MAPRE2: variants seen among roughly 807,000 people sequenced by gnomAD.
MAPRE2 encodes the protein microtubule associated protein RP/EB family member 2.
A neutral mutation model predicts 43.2 loss-of-function variants in MAPRE2; 13 were observed. The ratio of observed to expected loss-of-function variants is 0.30; its 90% CI spans 0.20 to 0.48. The LOEUF (loss-of-function observed/expected upper bound fraction) is 0.48. Among genes scored for constraint, MAPRE2 ranks in the 20% least tolerant of loss-of-function variants. MAPRE2 has a pLI of 0.99. For missense variants in MAPRE2, 161 were observed against 400.2 expected, an observed-to-expected ratio of 0.40 and a Z score of 5.10; for synonymous variants, 135 against 148.8, an observed-to-expected ratio of 0.91 and a Z score of 0.68.
intron 1 of MAPRE2, among the ~76,000 whole-genome samples, chr18:34,984,630 G>A (rs1010865292): frequency 1.3e-5 from 2 of 151,054 alleles, no homozygotes; most frequent in Admixed American, 6.7e-5. Flanking sequence ...AAGGAGGAAA[G>A]GGATGGCTGG....
chr18:35,092,939 C>T (rs1908223526), intron 2 of MAPRE2, among the ~76,000 whole-genome samples: 2 of 152,094 alleles, frequency 1.3e-5, no homozygotes, highest in South Asian at 4.1e-4. Flanking sequence ...AGGCCAGGCG[C>T]AGTGGCTCAT....
chr18:35,011,623 A>G (rs1210409527), intron 2 of MAPRE2, among the ~76,000 whole-genome samples: 2 of 152,180 alleles, frequency 1.3e-5, no homozygotes, highest in Admixed American at 1.3e-4. Flanking sequence ...AAGATCAGGA[A>G]GGGACATGAT....
intron 2 of MAPRE2, among the ~76,000 whole-genome samples, chr18:35,035,027 A>T (rs1183030339): frequency 6.6e-6 from 1 of 152,010 alleles, no homozygotes; most frequent in Non-Finnish European, 1.5e-5. Context: ...TACCCAAAGG[A>T]CTATAAATCA....
chr18:35,006,837 C>T (rs1284659431), intron 2 of MAPRE2, among the ~76,000 whole-genome samples: 1 of 152,208 alleles, frequency 6.6e-6, no homozygotes, highest in Non-Finnish European at 1.5e-5. Context: ...GTGGTGCATA[C>T]CTGTAATACC....
At position 35,141,149 on chromosome 18, in the gene MAPRE2, G is replaced by A. The variant is rs180780252; in HGVS notation, c.*780G>A. ...AGGTTATGCTCTTTTCTTTCTCAGG[G>A]TCCTCTTTGGTGGGCAGCCACTCCC... is the stretch of plus-strand genomic sequence containing the variant. On this transcript the variant is annotated 3_prime_UTR_variant, in exon 7 of 7. Coordinates refer to ENST00000300249, the MANE Select transcript of MAPRE2 (RefSeq NM_014268.4). The A allele has an allele frequency of 6.6e-6, 1 of 152,114 alleles. No homozygotes were observed. Among genetic ancestry groups the A allele is most frequent in the African/African-American group, 2.4e-5 (1 of 41,408 alleles). The allele number at this position is 152,114 out of a possible 1,614,324, so 9.4% of individuals were successfully genotyped here. A position where few individuals can be genotyped will look rare whatever the true frequency, so the allele number is the denominator to read the frequency against.
At chr18:35,046,336 A>G (rs1457708266) in intron 1 of MAPRE2, among the ~76,000 whole-genome samples, 1 of 152,188 alleles carries the variant, frequency 6.6e-6, no homozygotes, top group Non-Finnish European at 1.5e-5. Flanking sequence ...GCTTAGTCTG[A>G]TAGCGAAAGT....
chr18:34,999,017 A>G (rs908900151), intron 1 of MAPRE2, among the ~76,000 whole-genome samples: 4 of 152,054 alleles, frequency 2.6e-5, no homozygotes, highest in African/African-American at 9.7e-5. Context: ...ACAGACTATA[A>G]AAACAGCAAG....
intron 2 of MAPRE2, among the ~76,000 whole-genome samples, chr18:35,035,379 G>A (rs555476345): frequency 4.0e-5 from 6 of 151,642 alleles, no homozygotes; most frequent in Non-Finnish European, 7.4e-5. Context: ...GGGGGAGAGG[G>A]GAGGGATAGC....
chr18:35,113,952 TTAAG>T (rs1295893650), intron 4 of MAPRE2, among the ~76,000 whole-genome samples: 1 of 152,198 alleles, frequency 6.6e-6, no homozygotes, highest in African/African-American at 2.4e-5. Flanking sequence ...TGAGCACATA[TTAAG>T]TGTCAGCTAT....
intron 2 of MAPRE2, among the ~76,000 whole-genome samples, chr18:35,079,269 A>G (rs989195834): frequency 6.6e-6 from 1 of 152,186 alleles, no homozygotes; most frequent in Admixed American, 6.5e-5. Flanking sequence ...GGAAATTACA[A>G]CATCTCCTAG....
At chr18:35,090,699 TCCAGC>T (rs1908101954) in intron 2 of MAPRE2, among the ~76,000 whole-genome samples, 1 of 138,186 alleles carries the variant, frequency 7.2e-6, no homozygotes, top group Non-Finnish European at 1.5e-5. Flanking sequence ...GCCACTGCAC[TCCAGC>T]CTGGGAGACA....
chr18:35,091,417 A>C (rs1219080603), intron 2 of MAPRE2, among the ~76,000 whole-genome samples: 1 of 152,204 alleles, frequency 6.6e-6, no homozygotes, highest in African/African-American at 2.4e-5. Context: ...CCCAAATCTT[A>C]AAGTATCTGA....
intron 1 of MAPRE2, among the ~76,000 whole-genome samples, chr18:34,987,269 A>G (rs1568962850): frequency 6.6e-6 from 1 of 152,228 alleles, no homozygotes; most frequent in African/African-American, 2.4e-5. Flanking sequence ...GTTCCTAATC[A>G]AAGTGAGATT....
chr18:35,031,201 G>A (rs1204724486), intron 2 of MAPRE2, among the ~76,000 whole-genome samples: 1 of 152,152 alleles, frequency 6.6e-6, no homozygotes, highest in Non-Finnish European at 1.5e-5. Flanking sequence ...TAAGTTCAGG[G>A]AATTTTGTCT....
chr18:35,124,981 T>G (rs1294395350), intron 4 of MAPRE2, among the ~76,000 whole-genome samples: 2 of 152,214 alleles, frequency 1.3e-5, no homozygotes, highest in Non-Finnish European at 2.9e-5. Flanking sequence ...GTCAGCTCTC[T>G]GGAACCCTGG....
At chr18:35,110,317 A>G (rs1909121818) in intron 4 of MAPRE2, among the ~76,000 whole-genome samples, 1 of 152,188 alleles carries the variant, frequency 6.6e-6, no homozygotes, top group Non-Finnish European at 1.5e-5. Flanking sequence ...TAAAACATCT[A>G]ATAATTTTTG....
At position 35,070,285 on chromosome 18, in the gene MAPRE2, A is replaced by G. The variant is rs767931796; in HGVS notation, c.213A>G (p.Val71=). The change falls in exon 2 of 7, where the codon GTA becomes GTG. Residue 71 remains valine, a synonymous_variant. Transcript: ENST00000300249. ...HDIIAWVNDI[V]SLNYTKVEQL... ...TCATTGCATGGGTTAATGACATAGT[A>G]TCTTTAAACTACACAAAAGTGGAAC... 5.6e-6 allele frequency: 9 copies of G among 1,610,424 alleles called. No individual in the cohort carries two copies. Among genetic ancestry groups the G allele is most frequent in the East Asian group, 4.5e-5 (2 of 44,748 alleles).
intron 1 of MAPRE2, among the ~76,000 whole-genome samples, chr18:35,058,761 A>C (rs1906369894): frequency 6.7e-6 from 1 of 150,330 alleles, no homozygotes; most frequent in Non-Finnish European, 1.5e-5. Context: ...GAAAATGTAA[A>C]ATGAGATCTT....
intron 4 of MAPRE2, among the ~76,000 whole-genome samples, chr18:35,113,971 C>T (rs928922533): frequency 6.6e-6 from 1 of 152,092 alleles, no homozygotes; most frequent in Non-Finnish European, 1.5e-5. Flanking sequence ...AGCTATTATC[C>T]TAAGAACTTA....
Sources: allele counts gnomAD v4.1 joint callset (sites outside exome capture counted in the v4.1 genomes callset), GRCh38; gene constraint gnomAD v4.1.1; transcripts MANE v1.5; gene names NCBI Gene and HGNC (gene_info 2026-07-23, HGNC 2026-07-21).